The following CACNA1H variants were observed in gnomAD, a reference collection of about 807,000 sequenced individuals.
CACNA1H encodes the protein calcium voltage-gated channel subunit alpha1 H.
In CACNA1H, 149 loss-of-function variants were observed where a neutral mutation model predicts 192.5. The observed-to-expected ratio is 0.77, with a 90% CI of 0.68 to 0.89. The LOEUF (loss-of-function observed/expected upper bound fraction) is 0.89, where lower values mean the gene tolerates loss of function less well. Ranked by LOEUF, CACNA1H falls within the 40% of genes least tolerant of loss-of-function variation. The pLI is 0.00. For missense variants in CACNA1H, 4,257 were observed against 3,423.5 expected (o/e 1.24, Z -6.08); for synonymous variants, 2,202 against 1,475.2 (o/e 1.49, Z -11.29).
At chr16:1,186,932 CAG>C (rs1376265180) in intron 2 of CACNA1H, among the ~76,000 whole-genome samples, 2 of 152,222 alleles carry the variant, frequency 1.3e-5, no homozygotes, top group Admixed American at 6.5e-5. Context: ...GACACGGACA[CAG>C]GGCTGGTTCC....
chr16:1,172,341 C>T (rs893960321), intron 2 of CACNA1H, among the ~76,000 whole-genome samples: 1 of 152,202 alleles, frequency 6.6e-6, no homozygotes, highest in Non-Finnish European at 1.5e-5. Context: ...CGTGCCATCC[C>T]CAATGTTCCA....
chr16:1,201,377 C>T (rs936391604), intron 8 of CACNA1H, among the ~76,000 whole-genome samples: 7 of 152,130 alleles, frequency 4.6e-5, no homozygotes, highest in African/African-American at 1.7e-4. Flanking sequence ...AGAGGGTCAT[C>T]TCAAGGCCAG....
intron 5 of CACNA1H, among the ~76,000 whole-genome samples, chr16:1,197,777 C>T (rs920315016): frequency 6.6e-6 from 1 of 152,196 alleles, no homozygotes; most frequent in Non-Finnish European, 1.5e-5. Flanking sequence ...GAGAACTCAG[C>T]GTCCCCAGGT....
intron 5 of CACNA1H, among the ~76,000 whole-genome samples, chr16:1,197,835 A>T (rs1967174704): frequency 6.6e-6 from 1 of 152,108 alleles, no homozygotes; most frequent in South Asian, 2.1e-4. Context: ...CCTTGATTAA[A>T]TTTGAGGGAA....
intron 2 of CACNA1H, among the ~76,000 whole-genome samples, chr16:1,182,054 G>T (rs1965532876): frequency 6.6e-6 from 1 of 152,200 alleles, no homozygotes; most frequent in South Asian, 2.1e-4. Flanking sequence ...CACACAGATG[G>T]ACACAACGCT....
At chr16:1,210,178 C>G (rs1353407598) in intron 18 of CACNA1H, 43 bp downstream of exon 18, 3 of 1,474,990 alleles carry the variant, frequency 2.0e-6, no homozygotes, top group African/African-American at 2.8e-5. Flanking sequence ...AGTTCCACCC[C>G]ACGGGACCCC....
At chr16:1,191,869 T>C (rs1207049809) in intron 2 of CACNA1H, among the ~76,000 whole-genome samples, 13 of 121,026 alleles carry the variant, frequency 1.1e-4, no homozygotes, top group African/African-American at 3.1e-4. Context: ...CTCAGGGTTT[T>C]GGTGACCCAG....
At chr16:1,175,227 C>T (rs778305789) in intron 2 of CACNA1H, among the ~76,000 whole-genome samples, 7 of 152,156 alleles carry the variant, frequency 4.6e-5, no homozygotes, top group Non-Finnish European at 8.8e-5. Flanking sequence ...TGTCCACAGC[C>T]CTTATGTGGT....
chr16:1,215,956 G>A (rs550362109), intron 30 of CACNA1H, among the ~76,000 whole-genome samples: 14 of 152,268 alleles, frequency 9.2e-5, no homozygotes, highest in South Asian at 2.1e-4. Flanking sequence ...CTGCGGGCCC[G>A]GGGCCCCCTC....
chr16:1,207,580 C>A (rs1968890801), intron 14 of CACNA1H, 150 bp downstream of exon 14: 1 of 1,054,382 alleles, frequency 9.5e-7, no homozygotes, highest in Admixed American at 2.2e-5. Flanking sequence ...GGCCAGGAGC[C>A]CAGCGGAGTG....
At position 1,167,513 on chromosome 16, in the gene CACNA1H, A is replaced by G. The variant is rs1344010196; in HGVS notation, c.299+13477A>G. Among the ~76,000 whole-genome samples, 1 of 152,106 alleles carries G rather than the reference A, an allele frequency of 6.6e-6. No homozygotes were observed. Among genetic ancestry groups the G allele is most frequent in the Non-Finnish European group, 1.5e-5 (1 of 68,012 alleles). Reference sequence around the variant, plus strand: ...GCGGTTGCCATGGGAACCTGTTGCTAATGAATCTCTGGGGTTTCCTGTTAC... The same window carrying G: ...GCGGTTGCCATGGGAACCTGTTGCTGATGAATCTCTGGGGTTTCCTGTTAC... On this transcript the variant is annotated intron_variant, in intron 2 of 34. Transcript: ENST00000348261. The surrounding 1 kb of genome is among the most constrained non-coding windows in gnomAD (Gnocchi z 4.2).
intron 2 of CACNA1H, among the ~76,000 whole-genome samples, chr16:1,170,374 G>A (rs968957576): frequency 3.9e-5 from 6 of 152,220 alleles, no homozygotes; most frequent in Non-Finnish European, 7.4e-5. Context: ...GACAGGGCCC[G>A]AGGAATCCGG....
intron 13 of CACNA1H, 32 bp from the exon 14 acceptor site, chr16:1,207,243 G>GA: frequency 6.3e-7 from 1 of 1,580,310 alleles, no homozygotes; most frequent in Non-Finnish European, 8.6e-7. Context: ...CGGGGCTGGG[G>GA]TGACCACCCC....
At position 1,200,793 on chromosome 16, in the gene CACNA1H, C is replaced by T. The variant is rs370035989; in HGVS notation, c.1197C>T (p.Phe399=). The T allele has an allele frequency of 2.6e-5, 41 of 1,551,894 alleles. No homozygotes were observed. The highest frequency in any genetic ancestry group is 2.6e-4 in the African/African-American group (19 of 73,186). The change falls in exon 8 of 35, where the codon TTC becomes TTT. Residue 399 remains phenylalanine, a synonymous_variant. Coordinates refer to ENST00000348261, the MANE Select transcript of CACNA1H (RefSeq NM_021098.3). ...ACTCATTCTACAACTTCATCTATTT[C>T]ATCCTGCTCATCATCGTGAGTGTGG... is the stretch of plus-strand genomic sequence containing the variant. ...DAHSFYNFIY[F]ILLIIVGSFF... is the part of the protein sequence containing the mutation.
At chr16:1,186,160 G>A (rs113113202) in intron 2 of CACNA1H, among the ~76,000 whole-genome samples, 19 of 144,916 alleles carry the variant, frequency 1.3e-4, no homozygotes, top group South Asian at 4.4e-4. Flanking sequence ...GACGGTCGGC[G>A]TGCGTAGGGG....
chr16:1,161,188 G>A (rs1165931998), intron 2 of CACNA1H, among the ~76,000 whole-genome samples: 1 of 152,240 alleles, frequency 6.6e-6, no homozygotes, highest in Non-Finnish European at 1.5e-5. Context: ...TGCTGGTGGT[G>A]TGGGTGCTTC....
At chr16:1,181,016 C>T (rs1425820373) in intron 2 of CACNA1H, among the ~76,000 whole-genome samples, 2 of 152,232 alleles carry the variant, frequency 1.3e-5, no homozygotes, top group African/African-American at 2.4e-5. Flanking sequence ...GGAGGGAGCG[C>T]CTGGTCCCCT....
chr16:1,207,887 G>A (rs1312941506), intron 15 of CACNA1H, 27 bp downstream of exon 15: 7 of 1,562,598 alleles, frequency 4.5e-6, no homozygotes, highest in Non-Finnish European at 6.1e-6. Flanking sequence ...GGTGGTCCGG[G>A]TTCTGGCGGG....
At chr16:1,162,819 G>A (rs1158442254) in intron 2 of CACNA1H, among the ~76,000 whole-genome samples, 1 of 152,194 alleles carries the variant, frequency 6.6e-6, no homozygotes, top group East Asian at 1.9e-4. Context: ...CGTGAAGGCC[G>A]AGGGAGTATG....
Sources: gnomAD v4.1 joint callset for allele counts (sites outside exome capture counted in the v4.1 genomes callset) on GRCh38, gnomAD v4.1.1 for gene constraint, Gnocchi (gnomAD v3.1) non-coding constraint, MANE v1.5 for transcripts, NCBI Gene and HGNC (gene_info 2026-07-23, HGNC 2026-07-21) for gene names.